Variants in PPP4R4 observed in about 807,000 individuals in gnomAD.
PPP4R4 encodes serine/threonine-protein phosphatase 4 regulatory subunit 4.
PPP4R4 carries 70 observed loss-of-function variants against 121.8 expected under a neutral mutation model. The observed-to-expected ratio is 0.57, with a 90% CI of 0.47 to 0.70. The LOEUF (loss-of-function observed/expected upper bound fraction) is 0.70, where lower values mean the gene tolerates loss of function less well. Among genes scored for constraint, PPP4R4 ranks in the 30% least tolerant of loss-of-function variants. PPP4R4 has a pLI of 0.00. For synonymous variants in PPP4R4, 348 were observed against 355.7 expected (o/e 0.98, Z 0.24); for missense variants, 875 against 1,033.6 (o/e 0.85, Z 2.10).
intron 2 of PPP4R4, among the ~76,000 whole-genome samples, chr14:94,200,788 T>C (rs1890130560): frequency 6.7e-6 from 1 of 148,986 alleles, no homozygotes; most frequent in Admixed American, 6.9e-5. Flanking sequence ...CAGCTTTTTG[T>C]TTCACTTATC....
intron 24 of PPP4R4, among the ~76,000 whole-genome samples, chr14:94,278,219 G>A (rs977806221): frequency 6.6e-6 from 1 of 152,050 alleles, no homozygotes; most frequent in African/African-American, 2.4e-5. Context: ...GACACATTTG[G>A]TATTTAGGAA....
chr14:94,233,880 T>A, intron 6 of PPP4R4, 121 bp downstream of exon 6: 1 of 677,356 alleles, frequency 1.5e-6, no homozygotes, highest in Non-Finnish European at 2.5e-6. Context: ...TCTTAACTAT[T>A]TTAACTTTAT....
At chr14:94,190,156 GGCAGTGTGCCACCACACCT>G (rs1889517010) in intron 2 of PPP4R4, among the ~76,000 whole-genome samples, 1 of 151,752 alleles carries the variant, frequency 6.6e-6, no homozygotes, top group South Asian at 2.1e-4. Context: ...TGGGATTACA[GGCAGTGTGCCACCACACCT>G]GGTTTGTTTG....
chr14:94,250,161 A>T lies in PPP4R4; in HGVS notation c.1612-11A>T. On this transcript the variant is annotated splice_polypyrimidine_tract_variant and intron_variant, in intron 14 of 24. Transcript: ENST00000304338. ...CCTAGTGTAACTGTCTGTCTTACTT[A>T]CTTCTTCAAGAATGTTTTACCTGTC... is the stretch of plus-strand genomic sequence containing the variant. 1.3e-6 allele frequency: 2 copies of T among 1,559,640 alleles called. No homozygotes were observed. Among genetic ancestry groups the T allele is most frequent in the Non-Finnish European group, 1.8e-6 (2 of 1,131,004 alleles).
intron 3 of PPP4R4, among the ~76,000 whole-genome samples, chr14:94,209,241 T>G (rs1393114714): frequency 1.3e-5 from 2 of 152,080 alleles, no homozygotes; most frequent in African/African-American, 4.8e-5. Context: ...CACCAGTGTG[T>G]GTGTCCTCCA....
Position 94,174,370 on chromosome 14 carries a change from G to A in PPP4R4, c.-96G>A. The A allele has an allele frequency of 8.8e-7, 1 of 1,137,596 alleles. No individual in the cohort carries two copies. Among genetic ancestry groups the A allele is most frequent in the Non-Finnish European group, 1.1e-6 (1 of 886,834 alleles). The allele number at this position is 1,137,596 out of a possible 1,614,324, so 70.5% of individuals were successfully genotyped here. A position where few individuals can be genotyped will look rare whatever the true frequency, so the allele number is the denominator to read the frequency against. On this transcript the variant is annotated 5_prime_UTR_variant, in exon 1 of 25. Transcript: ENST00000304338. ...TCACGCTCGGCTCCAGCGGCCAAGA[G>A]CCGGAGAAAGTCCTGCTGGTGGGCG...
chr14:94,245,644 G>A lies in PPP4R4; in HGVS notation c.1402G>A (p.Gly468Arg), dbSNP rs148027092. The change falls in exon 13 of 25, where the codon GGA (glycine) becomes AGA (arginine). Residue 468 changes from glycine (G) to arginine (R), a missense_variant. Coordinates refer to ENST00000304338, the MANE Select transcript of PPP4R4 (RefSeq NM_058237.2). ...PEILELMSTG[G>R]ESSVQENKLS... is the part of the protein sequence containing the mutation. The stretch of plus-strand genomic sequence containing the variant: ...AATCTTGGAACTTATGTCTACTGGT[G>A]GAGAAAGCAGTGTTCAAGAAAATAA... 5.0e-6 allele frequency: 8 copies of A among 1,598,570 alleles called. No individual in the cohort carries two copies. The highest frequency in any genetic ancestry group is 1.3e-5 in the African/African-American group (1 of 74,446).
chr14:94,186,349 T>C (rs1889282049), intron 2 of PPP4R4, among the ~76,000 whole-genome samples: 1 of 152,236 alleles, frequency 6.6e-6, no homozygotes, highest in African/African-American at 2.4e-5. Context: ...TTTATAGAAA[T>C]GGATCATACA....
At chr14:94,260,533 A>G (rs1489050245) in intron 19 of PPP4R4, among the ~76,000 whole-genome samples, 1 of 152,088 alleles carries the variant, frequency 6.6e-6, no homozygotes, top group Non-Finnish European at 1.5e-5. Context: ...ACTATTGGGT[A>G]TGTAATGGTA....
intron 4 of PPP4R4, 61 bp from the exon 5 acceptor site, chr14:94,231,181 G>A: frequency 7.7e-7 from 1 of 1,302,236 alleles, no homozygotes; most frequent in South Asian, 1.3e-5. Flanking sequence ...ATTAATGGCT[G>A]AGTTGAAACT....
chr14:94,228,588 G>A (rs1891849384), intron 3 of PPP4R4, among the ~76,000 whole-genome samples: 2 of 152,094 alleles, frequency 1.3e-5, no homozygotes, highest in African/African-American at 4.8e-5. Context: ...TTTTTGCTTT[G>A]CCTTCTATCT....
At chr14:94,231,386 C>T in intron 5 of PPP4R4, 71 bp downstream of exon 5, 1 of 1,311,960 alleles carries the variant, frequency 7.6e-7, no homozygotes, top group Non-Finnish European at 1.1e-6. Context: ...GGTTTCTTGT[C>T]AAAAATGGTT....
chr14:94,240,622 C>T, intron 8 of PPP4R4, 51 bp from the exon 9 acceptor site: 1 of 1,548,914 alleles, frequency 6.5e-7, no homozygotes, highest in Non-Finnish European at 8.7e-7. Context: ...TCCACATGTG[C>T]AATGTGGACG....
intron 7 of PPP4R4, among the ~76,000 whole-genome samples, chr14:94,235,882 T>C (rs7148229): frequency 0.21 from 31,638 of 152,074 alleles, 3,848 homozygotes; most frequent in East Asian, 0.59. Context: ...ACAAAAATCA[T>C]TGGAACCTCT....
At chr14:94,245,554 C>A in intron 12 of PPP4R4, 33 bp from the exon 13 acceptor site, 1 of 1,158,370 alleles carries the variant, frequency 8.6e-7, no homozygotes, top group Non-Finnish European at 1.2e-6. Flanking sequence ...ACATAGTAAT[C>A]ACTATAACAG....
intron 19 of PPP4R4, among the ~76,000 whole-genome samples, chr14:94,262,111 T>TACA (rs1893819452): frequency 3.3e-5 from 5 of 152,032 alleles, no homozygotes; most frequent in Non-Finnish European, 7.4e-5. Flanking sequence ...CAAGTTTGTA[T>TACA]AACTTGGTTT....
At chr14:94,183,297 T>G (rs1889089493) in intron 2 of PPP4R4, among the ~76,000 whole-genome samples, 1 of 152,198 alleles carries the variant, frequency 6.6e-6, no homozygotes, top group Non-Finnish European at 1.5e-5. Flanking sequence ...GTGAAGATGA[T>G]GTACAAATGA....
At chr14:94,203,318 T>G (rs1485916411) in intron 2 of PPP4R4, among the ~76,000 whole-genome samples, 1 of 152,226 alleles carries the variant, frequency 6.6e-6, no homozygotes, top group African/African-American at 2.4e-5. Context: ...GGATTGAATT[T>G]TTTTCACTTA....
chr14:94,174,897 G>T (rs1458927485), intron 1 of PPP4R4, among the ~76,000 whole-genome samples: 1 of 149,020 alleles, frequency 6.7e-6, no homozygotes, highest in Non-Finnish European at 1.5e-5. Context: ...AATCCCCCCG[G>T]CCCACCCCCA....
Sources: gnomAD v4.1 joint callset for allele counts (sites outside exome capture counted in the v4.1 genomes callset) on GRCh38, gnomAD v4.1.1 for gene constraint, MANE v1.5 for transcripts, NCBI Gene and HGNC (gene_info 2026-07-23, HGNC 2026-07-21) for gene names.